Variants in PPP1R12B observed in about 807,000 individuals in gnomAD.
PPP1R12B encodes the protein myosin phosphatase target subunit 2.
PPP1R12B carries 76 observed loss-of-function variants against 126.1 expected under a neutral mutation model. The observed-to-expected ratio is 0.60, with a 90% confidence interval of 0.50 to 0.73. The LOEUF (loss-of-function observed/expected upper bound fraction) is 0.73. Among genes scored for constraint, PPP1R12B ranks in the 30% least tolerant of loss-of-function variants. The pLI, the probability that PPP1R12B is intolerant of heterozygous loss-of-function variation, is 0.00. For missense variants in PPP1R12B, 1,052 were observed against 1,205.1 expected (o/e 0.87, Z 1.88); for synonymous variants, 356 against 434.7 (o/e 0.82, Z 2.25).
At chr1:202,415,814 C>T (rs1667985306) in intron 1 of PPP1R12B, among the ~76,000 whole-genome samples, 1 of 152,122 alleles carries the variant, frequency 6.6e-6, no homozygotes, top group Non-Finnish European at 1.5e-5. Flanking sequence ...CATGAAAATA[C>T]ATTTTTTCTG....
chr1:202,373,746 G>A (rs1430711528), intron 1 of PPP1R12B, among the ~76,000 whole-genome samples: 1 of 151,274 alleles, frequency 6.6e-6, no homozygotes, highest in East Asian at 1.9e-4. Flanking sequence ...CTTTGATTAA[G>A]GAATTTTCTT....
At chr1:202,520,831 A>T (rs1251382749) in intron 18 of PPP1R12B, among the ~76,000 whole-genome samples, 1 of 152,204 alleles carries the variant, frequency 6.6e-6, no homozygotes, top group Non-Finnish European at 1.5e-5. Flanking sequence ...TAAAAAATAC[A>T]TAGTTATTCT....
intron 1 of PPP1R12B, among the ~76,000 whole-genome samples, chr1:202,405,177 A>G (rs1401863710): frequency 6.6e-6 from 1 of 152,238 alleles, no homozygotes; most frequent in African/African-American, 2.4e-5. Flanking sequence ...TGTGCTAACA[A>G]TTAGACTTGA....
rs1689927877 is a variant in PPP1R12B at position 202,588,008 on chromosome 1, T to C, written c.*7448T>C. 1 of 152,104 alleles carries C rather than the reference T, an allele frequency of 6.6e-6. No homozygotes were observed. The highest frequency in any genetic ancestry group is 1.5e-5 in the Non-Finnish European group (1 of 68,014). The allele number at this position is 152,104 out of a possible 1,614,324, so 9.4% of individuals were successfully genotyped here. On this transcript the variant is annotated 3_prime_UTR_variant, in exon 24 of 24. Coordinates refer to ENST00000608999, the MANE Select transcript of PPP1R12B (RefSeq NM_002481.4). ...CTGGCTGGCACACCAGGGCAATGAT[T>C]TCCCTGCAGAAGGAAGGAAAGAATG... is the stretch of plus-strand genomic sequence containing the variant.
chr1:202,465,310 T>A (rs570144368), intron 13 of PPP1R12B, among the ~76,000 whole-genome samples: 2 of 152,180 alleles, frequency 1.3e-5, no homozygotes, highest in Non-Finnish European at 2.9e-5. Flanking sequence ...ACTGGATATT[T>A]GTATACCATG....
At chr1:202,532,499 A>G (rs1261473466) in intron 18 of PPP1R12B, among the ~76,000 whole-genome samples, 1 of 152,200 alleles carries the variant, frequency 6.6e-6, no homozygotes, top group Non-Finnish European at 1.5e-5. Flanking sequence ...ACCTTAGTCT[A>G]CTATGTGTAA....
At chr1:202,448,968 T>A (rs1325287608) in intron 12 of PPP1R12B, 21 bp from the exon 13 acceptor site, 1 of 1,611,536 alleles carries the variant, frequency 6.2e-7, no homozygotes, top group South Asian at 1.1e-5. Flanking sequence ...TCCTTTCTGC[T>A]TGTATCTTTT....
chr1:202,488,916 G>C (rs1227378020), intron 14 of PPP1R12B, among the ~76,000 whole-genome samples: 1 of 152,140 alleles, frequency 6.6e-6, no homozygotes, highest in Non-Finnish European at 1.5e-5. Context: ...GGTGGTGCAT[G>C]CCTGTAATTT....
In PPP1R12B at chr1:202,446,247, TATA is replaced by T. The variant is rs1263231796; in HGVS notation, c.1668-2741_1668-2739del. 2.7e-3 allele frequency among the ~76,000 whole-genome samples: 180 copies of T among 66,076 alleles called. 2 individuals carry two copies. Among genetic ancestry groups the T allele is most frequent in the African/African-American group, 0.013 (172 of 13,406 alleles). 43.3% of individuals were successfully genotyped at this position (66,076 alleles called of 152,430 possible). On this transcript the variant is annotated intron_variant, in intron 12 of 23. Coordinates refer to ENST00000608999, the MANE Select transcript of PPP1R12B (RefSeq NM_002481.4). ...CTCTCTCTCTCTCTCTATATATATA[TATA>T]TATATATTTTTTTTTTTTTTTGAGA... is the stretch of plus-strand genomic sequence containing the variant.
chr1:202,397,955 A>G (rs1275411278), intron 1 of PPP1R12B, among the ~76,000 whole-genome samples: 1 of 152,218 alleles, frequency 6.6e-6, no homozygotes, highest in Non-Finnish European at 1.5e-5. Context: ...CCTGTCGCCC[A>G]GGCTGGAGTG....
chr1:202,470,295 A>C (rs894804154), intron 13 of PPP1R12B, among the ~76,000 whole-genome samples: 1 of 152,200 alleles, frequency 6.6e-6, no homozygotes, highest in Admixed American at 6.5e-5. Flanking sequence ...TTTAGCATAT[A>C]CTGAGGAGTA....
At chr1:202,440,887 G>T in intron 11 of PPP1R12B, 99 bp downstream of exon 11, 3 of 932,772 alleles carry the variant, frequency 3.2e-6, no homozygotes, top group Non-Finnish European at 5.1e-6. Context: ...TCCCTCAGGT[G>T]TCCTTACCAC....
chr1:202,410,382 C>T (rs1319468551), intron 1 of PPP1R12B, among the ~76,000 whole-genome samples: 1 of 152,256 alleles, frequency 6.6e-6, no homozygotes, highest in Non-Finnish European at 1.5e-5. Context: ...CAGCTTCTAA[C>T]ATATGCCCAG....
intron 1 of PPP1R12B, among the ~76,000 whole-genome samples, chr1:202,386,113 T>C (rs1488460747): frequency 6.6e-6 from 1 of 151,560 alleles, no homozygotes; most frequent in African/African-American, 2.4e-5. Context: ...TTTTGTGTTT[T>C]CGGTAGAGAC....
At position 202,397,107 on chromosome 1, in the gene PPP1R12B, C is replaced by T. The variant is rs534269148; in HGVS notation, c.292-19680C>T. Among the ~76,000 whole-genome samples the T allele has an allele frequency of 3.1e-4, 47 of 152,246 alleles. 1 individual carries two copies. The South Asian group carries it at 8.5e-3, about 28-fold the overall frequency. ...ATCTATCACTCTGTCTCTTTCCTCC[C>T]TTTCTTAGCCATATTTTTCAAGACT... On this transcript the variant is annotated intron_variant, in intron 1 of 23. Coordinates refer to ENST00000608999, the MANE Select transcript of PPP1R12B (RefSeq NM_002481.4).
chr1:202,363,323 T>C (rs1162490762), intron 1 of PPP1R12B, among the ~76,000 whole-genome samples: 1 of 152,226 alleles, frequency 6.6e-6, no homozygotes, highest in Non-Finnish European at 1.5e-5. Context: ...TTCTGGTCTA[T>C]ATTGCTTGTA....
chr1:202,484,808 A>G (rs1677859273), intron 13 of PPP1R12B, among the ~76,000 whole-genome samples: 1 of 152,058 alleles, frequency 6.6e-6, no homozygotes, highest in South Asian at 2.1e-4. Flanking sequence ...CTCTGAATAT[A>G]TCATCTCATT....
intron 1 of PPP1R12B, among the ~76,000 whole-genome samples, chr1:202,380,072 A>G (rs560494768): frequency 6.6e-6 from 1 of 151,844 alleles, no homozygotes; most frequent in African/African-American, 2.4e-5. Flanking sequence ...ATACCTTCTC[A>G]TTTGTTATTT....
At position 202,564,479 on chromosome 1, in the gene PPP1R12B, A is replaced by G. The variant is rs1687866665; in HGVS notation, c.2689A>G (p.Lys897Glu). 2 of 1,612,680 alleles carry G rather than the reference A, an allele frequency of 1.2e-6. No individual in the cohort carries two copies. Among genetic ancestry groups the G allele is most frequent in the African/African-American group, 1.3e-5 (1 of 74,904 alleles). ...TGCTCTGACTGAAAACCAAAAACTGAAAACAAAACTTCAGGAAGCCCAGCT... is the reference window on the plus strand; with the variant it reads ...TGCTCTGACTGAAAACCAAAAACTGGAAACAAAACTTCAGGAAGCCCAGCT... The part of the protein sequence containing the change: ...ESALTENQKL[K>E]TKLQEAQLEL... Residue 897 changes from lysine to glutamate, a missense_variant, in exon 21 of 24, where the codon AAA becomes GAA. By Grantham distance (56) the Lys-to-Glu change is moderately conservative. Transcript: ENST00000608999.
Sources: gnomAD v4.1 joint callset for allele counts (sites outside exome capture counted in the v4.1 genomes callset) on GRCh38, gnomAD v4.1.1 for gene constraint, MANE v1.5 for transcripts, NCBI Gene and HGNC (gene_info 2026-07-23, HGNC 2026-07-21) for gene names.